DIXDC1: variants seen among roughly 807,000 people sequenced by gnomAD.
DIXDC1 encodes the protein DIX domain containing 1.
DIXDC1 carries 64 observed loss-of-function variants against 103.1 expected under a neutral mutation model. That is an observed-to-expected ratio of 0.62 (90% confidence interval 0.51 to 0.76). The LOEUF (loss-of-function observed/expected upper bound fraction) is 0.76, where lower values mean the gene tolerates loss of function less well. Among genes scored for constraint, DIXDC1 ranks in the 30% least tolerant of loss-of-function variants. The pLI, the probability that DIXDC1 is intolerant of heterozygous loss-of-function variation, is 0.00. For synonymous variants in DIXDC1, 266 were observed against 298.5 expected, an observed-to-expected ratio of 0.89 and a Z score of 1.12; for missense variants, 759 against 834.2, an observed-to-expected ratio of 0.91 and a Z score of 1.11.
chr11:111,987,445 A>C (rs936498477), intron 9 of DIXDC1, among the ~76,000 whole-genome samples: 5 of 152,158 alleles, frequency 3.3e-5, no homozygotes, highest in African/African-American at 1.2e-4. Flanking sequence ...TGGTTGTACC[A>C]TTCTATATGT....
At chr11:111,964,912 C>T (rs1205787050) in intron 2 of DIXDC1, among the ~76,000 whole-genome samples, 2 of 152,176 alleles carry the variant, frequency 1.3e-5, no homozygotes, top group African/African-American at 4.8e-5. Context: ...AGTCCATGCT[C>T]TCAAGAGTCT....
upstream of DIXDC1, among the ~76,000 whole-genome samples, chr11:111,934,492 C>T (rs1313264429): frequency 1.3e-5 from 2 of 152,192 alleles, no homozygotes; most frequent in Admixed American, 1.3e-4. Flanking sequence ...AGAAGTGGTT[C>T]CAGCTACCCA....
intron 1 of DIXDC1, among the ~76,000 whole-genome samples, chr11:111,944,146 C>CCTCATCTT (rs1269025934): frequency 6.6e-6 from 1 of 152,196 alleles, no homozygotes; most frequent in Non-Finnish European, 1.5e-5. Flanking sequence ...ACCCTCATCT[C>CCTCATCTT]CTCATCTTCT....
intron 2 of DIXDC1, among the ~76,000 whole-genome samples, chr11:111,930,517 A>G (rs1366618283): frequency 6.6e-6 from 1 of 152,224 alleles, no homozygotes; most frequent in Non-Finnish European, 1.5e-5. Context: ...CATATGCTGC[A>G]CAAACTTTTT....
chr11:111,965,498 A>G (rs587636564), intron 2 of DIXDC1, among the ~76,000 whole-genome samples: 20 of 152,316 alleles, frequency 1.3e-4, no homozygotes, highest in African/African-American at 4.6e-4. Context: ...AGTGGTACGG[A>G]AGAAGCCAGG....
chr11:111,954,008 C>T (rs1370730824), intron 1 of DIXDC1, among the ~76,000 whole-genome samples: 2 of 152,054 alleles, frequency 1.3e-5, no homozygotes, highest in African/African-American at 4.8e-5. Flanking sequence ...CTTTCTGGCA[C>T]CAGGGACCGG....
intron 3 of DIXDC1, among the ~76,000 whole-genome samples, chr11:111,970,862 T>G (rs782270266): frequency 1.3e-5 from 2 of 151,812 alleles, no homozygotes; most frequent in African/African-American, 4.8e-5. Context: ...TCAACAAAAA[T>G]AAGCAATGAG....
upstream of DIXDC1, among the ~76,000 whole-genome samples, chr11:111,932,592 A>G (rs1407766204): frequency 6.6e-6 from 1 of 151,636 alleles, no homozygotes; most frequent in African/African-American, 2.4e-5. Flanking sequence ...GTCTCAAAAA[A>G]AAAAAAAAAA....
chr11:111,991,299 G>A (rs1555174515), intron 10 of DIXDC1, among the ~76,000 whole-genome samples: 2 of 152,232 alleles, frequency 1.3e-5, no homozygotes, highest in African/African-American at 4.8e-5. Context: ...TCATAAAGAG[G>A]TTGGCCTAAA....
intron 1 of DIXDC1, among the ~76,000 whole-genome samples, chr11:111,964,317 A>G (rs1345885083): frequency 7.9e-5 from 12 of 152,214 alleles, no homozygotes; most frequent in Non-Finnish European, 1.8e-4. Context: ...AGTGCCACCC[A>G]AGTCCGAGGT....
chr11:111,964,794 G>T, intron 2 of DIXDC1, 116 bp downstream of exon 2: 1 of 1,293,754 alleles, frequency 7.7e-7, no homozygotes, highest in Non-Finnish European at 1.0e-6. Flanking sequence ...GGCAGTAGAG[G>T]TAGAGAAGAC....
chr11:111,955,987 T>TACACACACACACACACACACAC (rs71461600), intron 1 of DIXDC1, among the ~76,000 whole-genome samples: 18 of 142,620 alleles, frequency 1.3e-4, no homozygotes, highest in African/African-American at 4.4e-4. Flanking sequence ...TATATATGTG[T>TACACACACACACACACACACAC]ACACACACAC....
rs1462693647 is a variant in DIXDC1, at chr11:112,021,424, G to A, written c.*2388G>A. ...AGAGGAGCCTTCTGAGCAGAAGTAT[G>A]CAAGACTGATTCTGTTTGGAACAGT... On this transcript the variant is annotated 3_prime_UTR_variant, in exon 20 of 20. Coordinates refer to ENST00000440460, the MANE Select transcript of DIXDC1 (RefSeq NM_001037954.4). 6.6e-6 allele frequency: 1 copy of A among 152,142 alleles called. No homozygotes were observed. The highest frequency in any genetic ancestry group is 1.5e-5 in the Non-Finnish European group (1 of 68,038). The allele number at this position is 152,142 out of a possible 1,614,324, so 9.4% of individuals were successfully genotyped here.
chr11:112,013,321 T>TGGGGGGGGGGGGGGGGGGGGGGGGGGGGG (rs1403269609), intron 17 of DIXDC1, among the ~76,000 whole-genome samples: 1 of 35,706 alleles, frequency 2.8e-5, no homozygotes, highest in African/African-American at 9.8e-5. Flanking sequence ...GGTCGGGGGG[T>TGGGGGGGGGGGGGGGGGGGGGGGGGGGGG]GGGGGTGGGG....
At chr11:111,972,268 A>G (rs180849484) in intron 3 of DIXDC1, among the ~76,000 whole-genome samples, 79 of 152,374 alleles carry the variant, frequency 5.2e-4, no homozygotes, top group Middle Eastern at 3.4e-3. Context: ...TTTTCTGCCT[A>G]CATTCCTCTT....
intron 5 of DIXDC1, among the ~76,000 whole-genome samples, chr11:111,979,591 T>G (rs1478307874): frequency 6.6e-6 from 1 of 152,318 alleles, no homozygotes; most frequent in South Asian, 2.1e-4. Flanking sequence ...TCTTGTAGAT[T>G]TGCTGTTTTT....
chr11:111,996,334 A>G, intron 17 of DIXDC1, 188 bp downstream of exon 17: 1 of 483,400 alleles, frequency 2.1e-6, no homozygotes, highest in South Asian at 2.9e-5. Flanking sequence ...CACCACCCCC[A>G]GTGCCATTTA....
chr11:111,957,344 G>C (rs782620555), intron 1 of DIXDC1, among the ~76,000 whole-genome samples: 32 of 152,304 alleles, frequency 2.1e-4, no homozygotes, highest in Non-Finnish European at 3.5e-4. Context: ...ATTTGAAATG[G>C]ATGGGAAAAG....
intron 5 of DIXDC1, 106 bp downstream of exon 5, chr11:111,975,089 A>G (rs1331910780): frequency 1.3e-6 from 2 of 1,524,090 alleles, no homozygotes; most frequent in Non-Finnish European, 1.8e-6. Flanking sequence ...TTCTCCCCTC[A>G]GTTTATGTTT....
Sources: allele counts gnomAD v4.1 joint callset (sites outside exome capture counted in the v4.1 genomes callset), GRCh38; gene constraint gnomAD v4.1.1; transcripts MANE v1.5; gene names NCBI Gene and HGNC (gene_info 2026-07-23, HGNC 2026-07-21).